Variants in RYR3 observed in about 807,000 individuals in gnomAD.
RYR3 encodes the protein brain ryanodine receptor-calcium release channel.
RYR3 carries 207 observed loss-of-function variants against 584.3 expected under a neutral mutation model. The ratio of observed to expected loss-of-function variants is 0.35; its 90% CI spans 0.32 to 0.40. The LOEUF is 0.40. RYR3 is among the 10% of genes least tolerant of loss of function. RYR3 has a pLI of 1.00. For missense variants in RYR3, 5,616 were observed against 6,089.2 expected (o/e 0.92, Z 2.59); for synonymous variants, 2,416 against 2,248.5 (o/e 1.07, Z -2.11).
At chr15:33,811,957 C>T (rs1185812794) in intron 72 of RYR3, among the ~76,000 whole-genome samples, 3 of 151,904 alleles carry the variant, frequency 2.0e-5, no homozygotes, top group Middle Eastern at 3.2e-3. Flanking sequence ...CTTTCCTTTC[C>T]GCCCCAAACA....
At chr15:33,436,240 A>G (rs1323523582) in intron 1 of RYR3, among the ~76,000 whole-genome samples, 1 of 152,096 alleles carries the variant, frequency 6.6e-6, no homozygotes, top group Non-Finnish European at 1.5e-5. Flanking sequence ...TTTTTTTTCA[A>G]ATCTGATGGA....
At chr15:33,335,757 C>T (rs1277267139) in intron 1 of RYR3, among the ~76,000 whole-genome samples, 1 of 150,728 alleles carries the variant, frequency 6.6e-6, no homozygotes, top group Non-Finnish European at 1.5e-5. Flanking sequence ...TCAGTTTTGG[C>T]CCAAGCTTCT....
chr15:33,563,412 A>G (rs2057522886), intron 11 of RYR3, among the ~76,000 whole-genome samples: 2 of 152,254 alleles, frequency 1.3e-5, no homozygotes, highest in Admixed American at 1.3e-4. Flanking sequence ...CAGATTGCAT[A>G]ATAACAAGCC....
chr15:33,528,495 C>T (rs922801752), intron 3 of RYR3, among the ~76,000 whole-genome samples: 1 of 152,188 alleles, frequency 6.6e-6, no homozygotes, highest in African/African-American at 2.4e-5. Context: ...TAGTCTATTT[C>T]AATACTCTCT....
At chr15:33,339,053 T>C (rs1971484237) in intron 1 of RYR3, among the ~76,000 whole-genome samples, 1 of 152,196 alleles carries the variant, frequency 6.6e-6, no homozygotes, top group Non-Finnish European at 1.5e-5. Flanking sequence ...TTCTCTTTCT[T>C]ATATCGGTGG....
At chr15:33,629,228 A>C (rs1346664354) in intron 21 of RYR3, among the ~76,000 whole-genome samples, 1 of 152,204 alleles carries the variant, frequency 6.6e-6, no homozygotes, top group Non-Finnish European at 1.5e-5. Context: ...GGCATTCAAC[A>C]AATGTTTGTT....
At chr15:33,521,629 A>C (rs1021385406) in intron 3 of RYR3, among the ~76,000 whole-genome samples, 1 of 152,090 alleles carries the variant, frequency 6.6e-6, no homozygotes, top group South Asian at 2.1e-4. Flanking sequence ...CTTTTCAAGT[A>C]TTCTTCTCTT....
At chr15:33,656,517 A>G (rs1360262021) in intron 32 of RYR3, among the ~76,000 whole-genome samples, 1 of 152,058 alleles carries the variant, frequency 6.6e-6, no homozygotes, top group Non-Finnish European at 1.5e-5. Flanking sequence ...ACAAGTTACC[A>G]CAAAATTTAG....
intron 57 of RYR3, among the ~76,000 whole-genome samples, chr15:33,752,509 A>C (rs1487513678): frequency 3.3e-5 from 5 of 151,996 alleles, no homozygotes; most frequent in African/African-American, 1.2e-4. Flanking sequence ...ATGGGAGTTC[A>C]CTCGTGATTT....
Position 33,738,599 on chromosome 15 carries a change from A to G in RYR3, c.7656+9A>G, listed in dbSNP as rs753352585. The G allele has an allele frequency of 6.2e-7, 1 of 1,613,722 alleles. No homozygotes were observed. Among genetic ancestry groups the G allele is most frequent in the South Asian group, 1.1e-5 (1 of 91,040 alleles). ...ACTCGCTCTCCCATAAGGTAATGAC[A>G]GTACTTTCTGAACAAAAAGAGAGCA... On this transcript the variant is annotated intron_variant, in intron 50 of 103. Coordinates refer to ENST00000634891, the MANE Select transcript of RYR3 (RefSeq NM_001036.6).
At chr15:33,770,952 A>G (rs1307100637) in intron 62 of RYR3, among the ~76,000 whole-genome samples, 1 of 152,222 alleles carries the variant, frequency 6.6e-6, no homozygotes, top group Non-Finnish European at 1.5e-5. Flanking sequence ...CTTTGTTCCA[A>G]TTCTAAGTTT....
At chr15:33,346,358 G>A (rs72725452) in intron 1 of RYR3, among the ~76,000 whole-genome samples, 5,157 of 152,304 alleles carry the variant, frequency 0.034, 119 homozygotes, top group South Asian at 0.061. Flanking sequence ...TGGTTTCAAA[G>A]CAGTGCTACT....
At chr15:33,530,406 T>C (rs975136818) in intron 3 of RYR3, among the ~76,000 whole-genome samples, 186 bp from the exon 4 acceptor site, 8 of 152,224 alleles carry the variant, frequency 5.3e-5, no homozygotes, top group African/African-American at 1.9e-4. Context: ...CCCAAGGATG[T>C]TGCATGGCTG....
chr15:33,587,771 G>T (rs765998942), intron 16 of RYR3, among the ~76,000 whole-genome samples: 1 of 152,094 alleles, frequency 6.6e-6, no homozygotes, highest in Non-Finnish European at 1.5e-5. Flanking sequence ...CCTTCCTTAG[G>T]TACTATTCCA....
At chr15:33,382,400 T>G (rs1466151764) in intron 1 of RYR3, among the ~76,000 whole-genome samples, 3 of 142,860 alleles carry the variant, frequency 2.1e-5, no homozygotes, top group African/African-American at 7.9e-5. Flanking sequence ...CTTGGCTCAC[T>G]GCAACTTCCG....
At chr15:33,725,608 TC>T (rs1208047367) in intron 45 of RYR3, among the ~76,000 whole-genome samples, 1 of 151,986 alleles carries the variant, frequency 6.6e-6, no homozygotes, top group Admixed American at 6.6e-5. Flanking sequence ...CCAGTCATCA[TC>T]CCCAGCATTA....
rs1002309803 is a variant in RYR3, at chr15:33,644,551, G to A, written c.3765+32G>A. Reference sequence around the variant, plus strand: ...TTACACAATGTGTGTGGCCCTGGCAGGTCAGGTGGGCCAAGGCCCTAAGCT... The same window carrying A: ...TTACACAATGTGTGTGGCCCTGGCAAGTCAGGTGGGCCAAGGCCCTAAGCT... On this transcript the variant is annotated intron_variant, in intron 28 of 103. Transcript: ENST00000634891. 6 of 1,557,884 alleles carry A rather than the reference G, an allele frequency of 3.9e-6. No homozygotes were observed. In the African/African-American group the frequency reaches 6.8e-5, roughly 18 times the overall value.
chr15:33,568,997 C>A (rs1189171620), intron 12 of RYR3, among the ~76,000 whole-genome samples: 1 of 152,058 alleles, frequency 6.6e-6, no homozygotes, highest in African/African-American at 2.4e-5. Context: ...GTTTCCTCAC[C>A]TTTTTATTGG....
At position 33,838,946 on chromosome 15, in the gene RYR3, G is replaced by A; in HGVS notation, c.12966G>A (p.Lys4322=). ...CATTAGAGAGTACTGTACAGAAGAA[G>A]AGGAAAGCTCAGGTAAGTGTCATTT... ...PPTLESTVQK[K]RKAQAAEMKA... The change falls in exon 89 of 104, where the codon AAG becomes AAA. Residue 4322 remains lysine, a synonymous_variant. Transcript: ENST00000634891. 2 of 1,608,480 alleles carry A rather than the reference G, an allele frequency of 1.2e-6. No individual in the cohort carries two copies. Among genetic ancestry groups the A allele is most frequent in the African/African-American group, 2.7e-5 (2 of 74,716 alleles).
Sources: allele counts gnomAD v4.1 joint callset (sites outside exome capture counted in the v4.1 genomes callset), GRCh38; gene constraint gnomAD v4.1.1; transcripts MANE v1.5; gene names NCBI Gene and HGNC (gene_info 2026-07-23, HGNC 2026-07-21).